NCOR1: variants seen among roughly 807,000 people sequenced by gnomAD.
The protein encoded by NCOR1 is nuclear receptor corepressor 1, also known as protein phosphatase 1, regulatory subunit 109.
NCOR1 carries 63 observed loss-of-function variants against 288.1 expected under a neutral mutation model. That is an observed-to-expected ratio of 0.22 (90% CI 0.18 to 0.27). The LOEUF (loss-of-function observed/expected upper bound fraction) is 0.27. Ranked by LOEUF, NCOR1 falls within the 10% of genes least tolerant of loss-of-function variation. The pLI is 1.00. For synonymous variants in NCOR1, 1,007 were observed against 1,065.9 expected, an observed-to-expected ratio of 0.94 and a Z score of 1.08; for missense variants, 2,397 against 3,019.2, an observed-to-expected ratio of 0.79 and a Z score of 4.83.
At chr17:16,143,896 T>A (rs2077490466) in intron 10 of NCOR1, among the ~76,000 whole-genome samples, 200 bp from the exon 11 acceptor site, 1 of 152,208 alleles carries the variant, frequency 6.6e-6, no homozygotes, top group Non-Finnish European at 1.5e-5. Context: ...CGATTGAGAT[T>A]TGAAGGTTAC....
chr17:16,063,921 C>G, intron 35 of NCOR1, 147 bp downstream of exon 35: 1 of 1,083,314 alleles, frequency 9.2e-7, no homozygotes, highest in Non-Finnish European at 1.3e-6. Flanking sequence ...TGCTACAGCA[C>G]TTTCACCTGT....
chr17:16,201,211 G>T (rs1233600955), intron 1 of NCOR1, among the ~76,000 whole-genome samples: 2 of 152,136 alleles, frequency 1.3e-5, no homozygotes, highest in Admixed American at 1.3e-4. Flanking sequence ...AAGCTTTTTA[G>T]TTAACCTATC....
chr17:16,127,353 G>GTATGTATATATACATGTATGTATA lies in NCOR1; in HGVS notation c.1510-1171_1510-1148dup, dbSNP rs1568198000. Among the ~76,000 whole-genome samples, 3 of 140,076 alleles carry GTATGTATATATACATGTATGTATA rather than the reference G, an allele frequency of 2.1e-5. 1 individual carries two copies. The highest frequency in any genetic ancestry group is 7.2e-5 in the Admixed American group (1 of 13,944). The allele number at this position is 140,076 out of a possible 152,430, so 91.9% of individuals were successfully genotyped here. A position where few individuals can be genotyped will look rare whatever the true frequency, so the allele number is the denominator to read the frequency against. ...TGTATATATACATGTATGTATATAT[G>GTATGTATATATACATGTATGTATA]TATGTATATATACATGTATGTATAT... On this transcript the variant is annotated intron_variant, in intron 14 of 45. Coordinates refer to ENST00000268712, the MANE Select transcript of NCOR1 (RefSeq NM_006311.4).
chr17:16,161,281 CTGTTTT>C (rs10557510), intron 5 of NCOR1, among the ~76,000 whole-genome samples: 9,333 of 149,822 alleles, frequency 0.062, 396 homozygotes, highest in African/African-American at 0.12. Context: ...ACTCCCTCAC[CTGTTTT>C]TGTTTTTGTT....
At chr17:16,140,997 C>CAAAAAAAAAAAAAAAAAAAAAAAA (rs372397821) in intron 11 of NCOR1, among the ~76,000 whole-genome samples, 66 of 113,680 alleles carry the variant, frequency 5.8e-4, no homozygotes, top group African/African-American at 2.2e-3. Context: ...TCTCCTATCT[C>CAAAAAAAAAAAAAAAAAAAAAAAA]AAAAAAAAAA....
intron 3 of NCOR1, among the ~76,000 whole-genome samples, chr17:16,174,837 T>A (rs1047537314): frequency 2.6e-5 from 4 of 152,156 alleles, no homozygotes; most frequent in African/African-American, 9.7e-5. Context: ...TGGTAGTTTC[T>A]CAAATAGTTA....
chr17:16,194,475 G>C lies in NCOR1; in HGVS notation c.95C>G (p.Thr32Ser). 4 of 1,604,260 alleles carry C rather than the reference G, an allele frequency of 2.5e-6. No homozygotes were observed. Among genetic ancestry groups the C allele is most frequent in the Non-Finnish European group, 3.4e-6 (4 of 1,173,046 alleles). Residue 32 changes from threonine (T) to serine (S), a missense_variant, in exon 2 of 46, where the codon ACC becomes AGC. Physicochemically the swap from Thr to Ser is moderately conservative, Grantham distance 58. Coordinates refer to ENST00000268712, the MANE Select transcript of NCOR1 (RefSeq NM_006311.4). ...TCTGTTCCTTACCTGCTGGTGGCGG[G>C]TGTTGGGAAATGTATACTGGACAGA... ...PHSVQYTFPNTRHQQEFAVPD... is the reference protein window; with the variant it reads ...PHSVQYTFPNSRHQQEFAVPD...
At chr17:16,119,155 C>T (rs1294547234) in intron 17 of NCOR1, among the ~76,000 whole-genome samples, 1 of 152,198 alleles carries the variant, frequency 6.6e-6, no homozygotes, top group Non-Finnish European at 1.5e-5. Context: ...AAACGACCTA[C>T]TTGTTCTTTA....
chr17:16,062,790 A>G (rs1452649328), intron 35 of NCOR1, among the ~76,000 whole-genome samples: 3 of 152,192 alleles, frequency 2.0e-5, no homozygotes, highest in Admixed American at 6.5e-5. Context: ...TCTCTCAGCA[A>G]GCTCTCTCTT....
chr17:16,064,093 A>T lies in NCOR1; in HGVS notation c.5196T>A (p.Ala1732=), dbSNP rs1321278733. 2.5e-6 allele frequency: 4 copies of T among 1,614,106 alleles called. No homozygotes were observed. Among genetic ancestry groups the T allele is most frequent in the Non-Finnish European group, 1.7e-6 (2 of 1,180,008 alleles). ...KERERERIAA[A]SSDLYLRPGS... ...CTGGCCGCAGGTAGAGGTCGGAGGA[A>T]GCTGCAGCAATCCGTTCCCGCTCCC... Residue 1732 remains alanine, a synonymous_variant, in exon 35 of 46, where the codon GCT becomes GCA. Coordinates refer to ENST00000268712, the MANE Select transcript of NCOR1 (RefSeq NM_006311.4).
At chr17:16,137,873 G>A (rs892696153) in intron 13 of NCOR1, 9 of 332,262 alleles carry the variant, frequency 2.7e-5, no homozygotes, top group Middle Eastern at 8.5e-4. Context: ...AAGCGAGCAC[G>A]AGACTGATAT....
chr17:16,047,517 G>A (rs182869443), intron 41 of NCOR1, among the ~76,000 whole-genome samples: 37 of 152,218 alleles, frequency 2.4e-4, no homozygotes, highest in African/African-American at 7.5e-4. Context: ...CTAATAGCAC[G>A]CTTGACTACA....
At chr17:16,161,226 CACAG>C (rs1026491655) in intron 5 of NCOR1, among the ~76,000 whole-genome samples, 3 of 95,046 alleles carry the variant, frequency 3.2e-5, no homozygotes, top group Admixed American at 1.1e-4. Flanking sequence ...AGCAAACACA[CACAG>C]ACACACACAC....
intron 10 of NCOR1, 42 bp downstream of exon 10, chr17:16,146,334 T>G (rs1487164065): frequency 6.5e-7 from 1 of 1,528,428 alleles, no homozygotes; most frequent in East Asian, 2.3e-5. Context: ...CAATAAATAT[T>G]TGAAGAAAAA....
intron 3 of NCOR1, among the ~76,000 whole-genome samples, chr17:16,180,499 C>T (rs2153501557): frequency 6.6e-6 from 1 of 152,274 alleles, no homozygotes; most frequent in East Asian, 1.9e-4. Context: ...GCTTATAATC[C>T]TAGCACTTTG....
intron 42 of NCOR1, chr17:16,044,410 C>G (rs2058302297): frequency 2.1e-6 from 1 of 471,262 alleles, no homozygotes; most frequent in Non-Finnish European, 4.4e-6. Flanking sequence ...AGGCAGTTCA[C>G]AGTGCAAGGC....
chr17:16,053,689 A>G (rs1488887940), intron 40 of NCOR1, among the ~76,000 whole-genome samples: 1 of 152,158 alleles, frequency 6.6e-6, no homozygotes, highest in African/African-American at 2.4e-5. Context: ...ACTACAAAAA[A>G]CTATTTTAAA....
chr17:16,086,452 G>A lies in NCOR1; in HGVS notation c.3017-10C>T, dbSNP rs2152864451. ...GGAGCAGGCTGAAGGACTTTTAAAA[G>A]GAAAGAAAAATGATTTTAAACTAGT... On this transcript the variant is annotated splice_polypyrimidine_tract_variant and intron_variant, in intron 22 of 45. Coordinates refer to ENST00000268712, the MANE Select transcript of NCOR1 (RefSeq NM_006311.4). 1.2e-6 allele frequency: 2 copies of A among 1,600,422 alleles called. No individual in the cohort carries two copies. Among genetic ancestry groups the A allele is most frequent in the Non-Finnish European group, 1.7e-6 (2 of 1,170,968 alleles).
At chr17:16,169,458 A>G (rs1053789153) in intron 4 of NCOR1, among the ~76,000 whole-genome samples, 1 of 152,330 alleles carries the variant, frequency 6.6e-6, no homozygotes. Flanking sequence ...TTAACAAAAA[A>G]TCTAACAAAT....
Sources: gnomAD v4.1 joint callset for allele counts (sites outside exome capture counted in the v4.1 genomes callset) on GRCh38, gnomAD v4.1.1 for gene constraint, MANE v1.5 for transcripts, NCBI Gene and HGNC (gene_info 2026-07-23, HGNC 2026-07-21) for gene names.